Variants in MYCBP2 observed in about 807,000 individuals in gnomAD.
MYCBP2 encodes the protein E3 ubiquitin-protein ligase MYCBP2.
MYCBP2 carries 120 observed loss-of-function variants against 525.3 expected under a neutral mutation model. The observed-to-expected ratio is 0.23, with a 90% CI of 0.20 to 0.27. The LOEUF is 0.27. Ranked by LOEUF, MYCBP2 falls within the 10% of genes least tolerant of loss-of-function variation. The probability of loss-of-function intolerance (pLI) is 1.00; values close to 1 mark genes in which losing one functional copy is unlikely to be tolerated. For synonymous variants in MYCBP2, 1,894 were observed against 1,955.8 expected (o/e 0.97, Z 0.83); for missense variants, 4,149 against 5,657.1 (o/e 0.73, Z 8.55).
At chr13:77,102,795 G>C (rs888854546) in intron 55 of MYCBP2, among the ~76,000 whole-genome samples, 1 of 151,618 alleles carries the variant, frequency 6.6e-6, no homozygotes, top group African/African-American at 2.4e-5. Flanking sequence ...GACTAAAATA[G>C]TAAAATGATT....
Position 77,058,982 on chromosome 13 carries a change from C to T in MYCBP2, c.13140+541G>A, listed in dbSNP as rs1451871230. Among the ~76,000 whole-genome samples the T allele has an allele frequency of 6.6e-6, 1 of 151,840 alleles. No homozygotes were observed. The highest frequency in any genetic ancestry group is 1.5e-5 in the Non-Finnish European group (1 of 67,996). On this transcript the variant is annotated intron_variant, in intron 77 of 82. Coordinates refer to ENST00000544440, the MANE Select transcript of MYCBP2 (RefSeq NM_015057.5). The surrounding 1 kb of genome is among the most constrained non-coding windows in gnomAD (Gnocchi z 4.1). ...CCTGGGCGACACAGCCAGACTCCGT[C>T]TCAAAAAAATAAAAAATAAAAAAAG...
chr13:77,288,182 C>A lies in MYCBP2; in HGVS notation c.573G>T (p.Glu191Asp), dbSNP rs1382730326. Residue 191 changes from glutamate (E) to aspartate (D), a missense_variant, in exon 3 of 83, where the codon GAG becomes GAT. Physicochemically the swap from Glu to Asp is conservative, Grantham distance 45. This residue lies in a region of MYCBP2 where 413 missense variants were observed against 451.2 expected (regional missense o/e 0.92). Coordinates refer to ENST00000544440, the MANE Select transcript of MYCBP2 (RefSeq NM_015057.5). ...SDSDEEEESK[E>D]PPIKLPKIIE... ...TTACCTTTGGAAGCTTGATAGGGGG[C>A]TCTTTGGATTCCTCTTCTTCATCAC... 1 of 1,614,092 alleles carries A rather than the reference C, an allele frequency of 6.2e-7. No homozygotes were observed. The highest frequency in any genetic ancestry group is 1.7e-5 in the Admixed American group (1 of 60,020).
chr13:77,176,554 C>A lies in MYCBP2; in HGVS notation c.5415G>T (p.Thr1805=). 6.3e-7 allele frequency: 1 copy of A among 1,599,788 alleles called. No homozygotes were observed. Among genetic ancestry groups the A allele is most frequent in the Non-Finnish European group, 8.5e-7 (1 of 1,170,782 alleles). The stretch of plus-strand genomic sequence containing the variant: ...CAGCTATATCACTGGGTGAGTCATC[C>A]GTTGTGTACGTTCCTTTCACTAATT... The part of the protein sequence containing the change: ...SLELVKGTYT[T]DDSPSDIAEI... Residue 1805 remains threonine, a synonymous_variant, in exon 36 of 83, where the codon ACG becomes ACT. Transcript: ENST00000544440.
At chr13:77,155,635 AC>A (rs1362407313) in intron 46 of MYCBP2, among the ~76,000 whole-genome samples, 3 of 152,184 alleles carry the variant, frequency 2.0e-5, no homozygotes, top group Admixed American at 2.0e-4. Context: ...TATATTTCTA[AC>A]TTAATGAGTG....
chr13:77,214,302 T>G (rs9530625), intron 21 of MYCBP2, among the ~76,000 whole-genome samples: 87,254 of 152,054 alleles, frequency 0.57, 28,406 homozygotes, highest in Non-Finnish European at 0.73. Context: ...CACAGTAATC[T>G]CACTTCTAGG....
chr13:77,164,034 C>G (rs2058253386), intron 43 of MYCBP2, among the ~76,000 whole-genome samples: 1 of 152,174 alleles, frequency 6.6e-6, no homozygotes, highest in Admixed American at 6.5e-5. Context: ...CATACAGTCC[C>G]ATGTCTTTAA....
intron 18 of MYCBP2, among the ~76,000 whole-genome samples, chr13:77,226,845 C>T (rs1038636844): frequency 6.6e-6 from 1 of 152,072 alleles, no homozygotes; most frequent in Non-Finnish European, 1.5e-5. Flanking sequence ...AACAGGTAGG[C>T]CTGTGTGGCT....
intron 3 of MYCBP2, among the ~76,000 whole-genome samples, chr13:77,284,597 T>A (rs1251772062): frequency 6.6e-6 from 1 of 152,184 alleles, no homozygotes; most frequent in African/African-American, 2.4e-5. Flanking sequence ...CTCTCATTCA[T>A]CAGGTGATTG....
chr13:77,191,259 C>G (rs2061266743), intron 28 of MYCBP2, among the ~76,000 whole-genome samples: 1 of 152,128 alleles, frequency 6.6e-6, no homozygotes, highest in African/African-American at 2.4e-5. Flanking sequence ...AAAATTTTCC[C>G]TATATTTTAT....
rs2039881155 is a variant in MYCBP2 at position 77,064,499 on chromosome 13, G to A, written c.12672+116C>T. 1.3e-5 allele frequency: 15 copies of A among 1,189,640 alleles called. No individual in the cohort carries two copies. The South Asian group carries it at 2.5e-4, about 20-fold the overall frequency. The allele number at this position is 1,189,640 out of a possible 1,614,324, so 73.7% of individuals were successfully genotyped here. On this transcript the variant is annotated intron_variant, in intron 73 of 82. Coordinates refer to ENST00000544440, the MANE Select transcript of MYCBP2 (RefSeq NM_015057.5). Reference sequence around the variant, plus strand: ...ACTTTTTCAATAAATACGGTATTTGGTTAAAAAATAATTATGTTGACTTAG... The same window carrying A: ...ACTTTTTCAATAAATACGGTATTTGATTAAAAAATAATTATGTTGACTTAG...
At chr13:77,049,281 C>T (rs543091714) in intron 82 of MYCBP2, among the ~76,000 whole-genome samples, 2 of 152,106 alleles carry the variant, frequency 1.3e-5, no homozygotes, top group East Asian at 3.9e-4. Flanking sequence ...TCTTTCAAAG[C>T]CTGCTACTTC....
intron 62 of MYCBP2, among the ~76,000 whole-genome samples, chr13:77,085,633 G>A (rs2044117710): frequency 6.6e-6 from 1 of 152,166 alleles, no homozygotes; most frequent in African/African-American, 2.4e-5. Flanking sequence ...CTAATGGAAG[G>A]TGGCAGAAGC....
At chr13:77,168,692 T>G in intron 39 of MYCBP2, 46 bp from the exon 40 acceptor site, 1 of 1,563,920 alleles carries the variant, frequency 6.4e-7, no homozygotes. Context: ...CACGTGAAAG[T>G]GGTTCTAAAA....
intron 5 of MYCBP2, among the ~76,000 whole-genome samples, chr13:77,271,834 T>G (rs2154345618): frequency 6.6e-6 from 1 of 152,316 alleles, no homozygotes; most frequent in East Asian, 1.9e-4. Context: ...ACGGACTTAA[T>G]GCACACATTC....
intron 8 of MYCBP2, among the ~76,000 whole-genome samples, chr13:77,264,451 C>A (rs961822391): frequency 7.9e-5 from 12 of 152,040 alleles, no homozygotes; most frequent in African/African-American, 2.7e-4. Context: ...CTACAGATAT[C>A]CCTTGCTTTG....
chr13:77,107,796 A>G (rs1345108796), intron 55 of MYCBP2, among the ~76,000 whole-genome samples: 1 of 152,110 alleles, frequency 6.6e-6, no homozygotes, highest in Non-Finnish European at 1.5e-5. Flanking sequence ...GATGATTTGT[A>G]TATACTCTTA....
intron 13 of MYCBP2, 64 bp from the exon 14 acceptor site, chr13:77,257,893 C>A: frequency 7.3e-7 from 1 of 1,363,934 alleles, no homozygotes; most frequent in Non-Finnish European, 9.9e-7. Context: ...AGTAAAAGAA[C>A]TACCTCAATG....
At chr13:77,199,951 G>A (rs369258451) in intron 26 of MYCBP2, among the ~76,000 whole-genome samples, 10 of 152,314 alleles carry the variant, frequency 6.6e-5, no homozygotes, top group Non-Finnish European at 8.8e-5. Context: ...AAAAAACAGA[G>A]CAGAAAAACT....
At chr13:77,167,071 G>A (rs748063480) in intron 40 of MYCBP2, among the ~76,000 whole-genome samples, 4 of 151,410 alleles carry the variant, frequency 2.6e-5, no homozygotes, top group Non-Finnish European at 5.9e-5. Context: ...TATTCCCAGT[G>A]TCACTAATAG....
Sources: gnomAD v4.1 joint callset for allele counts (sites outside exome capture counted in the v4.1 genomes callset) on GRCh38, gnomAD v4.1.1 for gene constraint, gnomAD v4.1.1 regional missense constraint, Gnocchi (gnomAD v3.1) non-coding constraint, MANE v1.5 for transcripts, NCBI Gene and HGNC (gene_info 2026-07-23, HGNC 2026-07-21) for gene names.